The following PPP1R12C variants were observed in gnomAD, a reference collection of about 807,000 sequenced individuals.
The protein encoded by PPP1R12C is protein phosphatase 1 regulatory subunit 12C.
Under a neutral mutation model 95.6 loss-of-function variants are expected in PPP1R12C, and 48 were observed. The observed-to-expected ratio is 0.50, with a 90% CI of 0.40 to 0.64. The LOEUF (loss-of-function observed/expected upper bound fraction) is 0.64. PPP1R12C is among the 30% of genes least tolerant of loss of function. The pLI, the probability that PPP1R12C is intolerant of heterozygous loss-of-function variation, is 0.00. For synonymous variants in PPP1R12C, 480 were observed against 460.8 expected (o/e 1.04, Z -0.53); for missense variants, 1,057 against 1,083.3 (o/e 0.98, Z 0.34).
intron 19 of PPP1R12C, 83 bp from the exon 20 acceptor site, chr19:55,091,992 G>A (rs2147175154): frequency 2.0e-6 from 3 of 1,524,226 alleles, no homozygotes; most frequent in East Asian, 2.3e-5. Flanking sequence ...CTGGGCACCC[G>A]CCCGCCCACT....
intron 3 of PPP1R12C, among the ~76,000 whole-genome samples, chr19:55,104,790 T>C (rs897726666): frequency 2.0e-5 from 3 of 150,444 alleles, no homozygotes; most frequent in African/African-American, 7.4e-5. Flanking sequence ...CATATATATA[T>C]ATATATGGTC....
At chr19:55,110,563 C>T (rs889295091) in intron 3 of PPP1R12C, among the ~76,000 whole-genome samples, 3 of 152,146 alleles carry the variant, frequency 2.0e-5, no homozygotes, top group Non-Finnish European at 2.9e-5. Context: ...GTGCATCAGG[C>T]GAAGATGTAC....
chr19:55,091,655 G>C lies in PPP1R12C; in HGVS notation c.2257C>G (p.Leu753Val). Reference protein sequence around the residue: ...ERKAAELEEELKALSDLRADN... With the variant: ...ERKAAELEEEVKALSDLRADN... ...ACAGCCCCCACAGCCCCCACCTTCAGCTCCTCCTCCAGCTCTGCGGCCTTG... is the reference window on the plus strand; with the variant it reads ...ACAGCCCCCACAGCCCCCACCTTCACCTCCTCCTCCAGCTCTGCGGCCTTG... Residue 753 changes from leucine to valine, a missense_variant, in exon 21 of 22, where the codon CTG becomes GTG. By Grantham distance (32) the Leu-to-Val change is conservative. Coordinates refer to ENST00000263433, the MANE Select transcript of PPP1R12C (RefSeq NM_017607.4). 6.4e-7 allele frequency: 1 copy of C among 1,562,096 alleles called. No homozygotes were observed. Among genetic ancestry groups the C allele is most frequent in the Non-Finnish European group, 8.7e-7 (1 of 1,148,730 alleles).
At position 55,106,949 on chromosome 19, in the gene PPP1R12C, C is replaced by T. The variant is rs563546509; in HGVS notation, c.572-3381G>A. Among the ~76,000 whole-genome samples, 18 of 152,292 alleles carry T rather than the reference C, an allele frequency of 1.2e-4. No individual in the cohort carries two copies. In the South Asian group the frequency reaches 3.1e-3, roughly 26 times the overall value. ...GTGTTTTGGCTGTGATATGGGCCTG[C>T]AGTAGGACCCATGCTGAGTGCCTCA... On this transcript the variant is annotated intron_variant, in intron 3 of 21. Coordinates refer to ENST00000263433, the MANE Select transcript of PPP1R12C (RefSeq NM_017607.4).
Position 55,096,196 on chromosome 19 carries a change from G to T in PPP1R12C, c.1026-18C>A, listed in dbSNP as rs963676336. On this transcript the variant is annotated intron_variant, in intron 7 of 21. Transcript: ENST00000263433. ...CAGAGCTCCTGTTGGGGAAGGAGAG[G>T]GTGCTGGGGTACAAGCCCGGGGCCT... is the stretch of plus-strand genomic sequence containing the variant. 3.7e-6 allele frequency: 6 copies of T among 1,609,178 alleles called. No homozygotes were observed. In the East Asian group the frequency reaches 1.1e-4, roughly 30 times the overall value.
Position 55,092,518 on chromosome 19 carries a change from CG to C in PPP1R12C, c.1978del (p.Arg660AlafsTer42). 1 of 1,607,926 alleles carries C rather than the reference CG, an allele frequency of 6.2e-7. No individual in the cohort carries two copies. Among genetic ancestry groups the C allele is most frequent in the Non-Finnish European group, 8.5e-7 (1 of 1,177,742 alleles). On this transcript the variant is annotated frameshift_variant, in exon 18 of 22. Coordinates refer to ENST00000263433, the MANE Select transcript of PPP1R12C (RefSeq NM_017607.4). LOFTEE classifies it high-confidence loss of function. ...GAGGTCCCGCTGCCACCGCTGCCTG[CG>C]GGCCGAGGGGCCGCCCTCCAGGGTG... ...SSTLEGGPSA[R>X]RQRWQRDLNP... is the part of the protein sequence containing the mutation.
At chr19:55,098,748 G>A (rs1479681239) in intron 6 of PPP1R12C, 36 bp downstream of exon 6, 1 of 1,611,874 alleles carries the variant, frequency 6.2e-7, no homozygotes, top group Non-Finnish European at 8.5e-7. Context: ...GGGGACATGG[G>A]GAGTCTGGGG....
chr19:55,095,839 C>CA (rs1402734961), intron 9 of PPP1R12C, 28 bp downstream of exon 9: 1 of 1,610,560 alleles, frequency 6.2e-7, no homozygotes, highest in Admixed American at 1.7e-5. Context: ...CTCCCAGCCT[C>CA]ACAGGACCTC....
Position 55,095,531 on chromosome 19 carries a change from G to T in PPP1R12C, c.1300C>A (p.Pro434Thr). Residue 434 changes from proline to threonine, a missense_variant, in exon 10 of 22, where the codon CCT becomes ACT. Pro to Thr is a conservative substitution (Grantham distance 38). Coordinates refer to ENST00000263433, the MANE Select transcript of PPP1R12C (RefSeq NM_017607.4). ...KTGSSGALGP[P>T]ERRTAEGAPG... is the part of the protein sequence containing the mutation. Reference sequence around the variant, plus strand: ...GCTCCCTCCGCTGTCCGCCTTTCAGGGGGACCCAGGGCACCAGAACTCCCT... The same window carrying T: ...GCTCCCTCCGCTGTCCGCCTTTCAGTGGGACCCAGGGCACCAGAACTCCCT... 6.3e-7 allele frequency: 1 copy of T among 1,590,758 alleles called. No individual in the cohort carries two copies. The highest frequency in any genetic ancestry group is 2.3e-5 in the East Asian group (1 of 44,038).
chr19:55,115,334 G>T (rs1411888425), intron 1 of PPP1R12C: 1 of 152,162 alleles, frequency 6.6e-6, no homozygotes, highest in Non-Finnish European at 1.5e-5. Flanking sequence ...TTGGGGACTA[G>T]AAAGGTGAAG....
Position 55,116,248 on chromosome 19 carries a change from G to A in PPP1R12C, c.321+975C>T, listed in dbSNP as rs997647587. 4.6e-5 allele frequency among the ~76,000 whole-genome samples: 7 copies of A among 152,174 alleles called. No homozygotes were observed. The South Asian group carries it at 1.5e-3, about 32-fold the overall frequency. On this transcript the variant is annotated intron_variant, in intron 1 of 21. Coordinates refer to ENST00000263433, the MANE Select transcript of PPP1R12C (RefSeq NM_017607.4). ...GAAACGAGAGATGGCACAGGCCCCAGAAGGAGAAGGAAAAGGGAACCCAGC... is the reference window on the plus strand; with the variant it reads ...GAAACGAGAGATGGCACAGGCCCCAAAAGGAGAAGGAAAAGGGAACCCAGC...
At chr19:55,107,935 C>CTTTT (rs34454787) in intron 3 of PPP1R12C, among the ~76,000 whole-genome samples, 5 of 134,730 alleles carry the variant, frequency 3.7e-5, no homozygotes, top group African/African-American at 1.1e-4. Flanking sequence ...AATTTACCAT[C>CTTTT]TTTTTTTTTT....
intron 1 of PPP1R12C, chr19:55,113,668 C>T (rs2085122527): frequency 1.7e-6 from 2 of 1,166,936 alleles, no homozygotes; most frequent in Admixed American, 4.2e-5. Context: ...AAGTCCCTCA[C>T]CTCTCCAAAG....
At chr19:55,095,840 A>G (rs370380681) in intron 9 of PPP1R12C, 27 bp downstream of exon 9, 20 of 1,610,290 alleles carry the variant, frequency 1.2e-5, no homozygotes, top group Non-Finnish European at 1.6e-5. Flanking sequence ...TCCCAGCCTC[A>G]CAGGACCTCT....
intron 19 of PPP1R12C, 60 bp downstream of exon 19, chr19:55,092,162 G>A (rs1056771586): frequency 6.9e-6 from 10 of 1,449,756 alleles, no homozygotes; most frequent in African/African-American, 1.4e-5. Context: ...CCTCCCAGCA[G>A]TCTAAGCCCC....
chr19:55,100,905 C>A (rs1029777489), intron 4 of PPP1R12C, among the ~76,000 whole-genome samples: 1 of 152,166 alleles, frequency 6.6e-6, no homozygotes, highest in Non-Finnish European at 1.5e-5. Context: ...ATCCACCACG[C>A]CCAGCCTGCA....
chr19:55,092,481 A>G lies in PPP1R12C; in HGVS notation c.2016T>C (p.Pro672=). Residue 672 remains proline, a synonymous_variant, in exon 18 of 22, where the codon CCT becomes CCC. Transcript: ENST00000263433. ...CGTCTGGCTCTTCCGATTCTGGCTC[A>G]GGTTCTGGGTTGAGGTCCCGCTGCC... The part of the protein sequence containing the change: ...QRWQRDLNPE[P]EPESEEPDGG... 1 of 1,610,108 alleles carries G rather than the reference A, an allele frequency of 6.2e-7. No individual in the cohort carries two copies. Among genetic ancestry groups the G allele is most frequent in the South Asian group, 1.1e-5 (1 of 90,646 alleles).
rs768611646 is a variant in PPP1R12C at position 55,094,455 on chromosome 19, C to T, written c.1593-20G>A. 1 of 1,613,118 alleles carries T rather than the reference C, an allele frequency of 6.2e-7. No individual in the cohort carries two copies. Among genetic ancestry groups the T allele is most frequent in the African/African-American group, 1.3e-5 (1 of 74,924 alleles). On this transcript the variant is annotated intron_variant, in intron 12 of 21. Transcript: ENST00000263433. ...TAGGACCTGAGGGAAGGGTCCCAACCTCAGACAGGGAACCTGGGGACCCTG... is the reference window on the plus strand; with the variant it reads ...TAGGACCTGAGGGAAGGGTCCCAACTTCAGACAGGGAACCTGGGGACCCTG...
chr19:55,094,711 G>T lies in PPP1R12C; in HGVS notation c.1542C>A (p.Asn514Lys). 3.7e-6 allele frequency: 6 copies of T among 1,609,924 alleles called. No homozygotes were observed. Among genetic ancestry groups the T allele is most frequent in the Non-Finnish European group, 5.1e-6 (6 of 1,179,122 alleles). ...IPEPESPAKPNVPTASTAPPA... is the reference protein window; with the variant it reads ...IPEPESPAKPKVPTASTAPPA... The stretch of plus-strand genomic sequence containing the variant: ...GGGGCGCCGTGGAGGCTGTGGGGAC[G>T]TTTGGCTTCGCTGGGGATTCAGGCT... Residue 514 changes from asparagine to lysine, a missense_variant, in exon 12 of 22, where the codon AAC (asparagine) becomes AAA (lysine). Asn to Lys is a moderately conservative substitution (Grantham distance 94, BLOSUM62 0). Coordinates refer to ENST00000263433, the MANE Select transcript of PPP1R12C (RefSeq NM_017607.4).
Sources: gnomAD v4.1 joint callset for allele counts (sites outside exome capture counted in the v4.1 genomes callset) on GRCh38, gnomAD v4.1.1 for gene constraint, MANE v1.5 for transcripts, NCBI Gene and HGNC (gene_info 2026-07-23, HGNC 2026-07-21) for gene names.